The following KCNIP4 variants were observed in gnomAD, a reference collection of about 807,000 sequenced individuals.
The protein encoded by KCNIP4 is Kv channel-interacting protein 4.
Under a neutral mutation model 34.0 loss-of-function variants are expected in KCNIP4, and 12 were observed. The observed-to-expected ratio is 0.35, with a 90% CI of 0.23 to 0.57. KCNIP4 has a LOEUF of 0.57. Ranked by LOEUF, KCNIP4 falls within the 20% of genes least tolerant of loss-of-function variation. KCNIP4 has a pLI of 0.83. For synonymous variants in KCNIP4, 124 were observed against 102.2 expected (o/e 1.21, Z -1.29); for missense variants, 238 against 311.7 (o/e 0.76, Z 1.78).
intron 1 of KCNIP4, among the ~76,000 whole-genome samples, chr4:21,556,421 G>C (rs1246608858): frequency 6.6e-6 from 1 of 152,116 alleles, no homozygotes; most frequent in African/African-American, 2.4e-5. Context: ...CAAAGTCAAT[G>C]CTTCTATCTT....
chr4:21,579,053 G>A (rs533300694), intron 1 of KCNIP4, among the ~76,000 whole-genome samples: 1 of 152,202 alleles, frequency 6.6e-6, no homozygotes, highest in South Asian at 2.1e-4. Flanking sequence ...TAAAGAACCT[G>A]ACATTGGAGA....
intron 1 of KCNIP4, among the ~76,000 whole-genome samples, chr4:21,088,597 T>C (rs903490541): frequency 2.0e-5 from 3 of 152,146 alleles, no homozygotes; most frequent in African/African-American, 7.2e-5. Flanking sequence ...CATGATTCAT[T>C]ATTTCCTCTG....
intron 1 of KCNIP4, among the ~76,000 whole-genome samples, chr4:21,287,661 T>C (rs1306890804): frequency 6.6e-6 from 1 of 152,172 alleles, no homozygotes; most frequent in Non-Finnish European, 1.5e-5. Context: ...AGTGTTTTTC[T>C]ACAAAATTTC....
At chr4:21,625,334 T>A (rs10516396) in intron 1 of KCNIP4, among the ~76,000 whole-genome samples, 46,847 of 151,872 alleles carry the variant, frequency 0.31, 7,703 homozygotes, top group East Asian at 0.62. Context: ...GTAGGTTATA[T>A]GAGAATGTCT....
At chr4:21,776,509 A>C (rs1349598082) in intron 1 of KCNIP4, among the ~76,000 whole-genome samples, 1 of 152,196 alleles carries the variant, frequency 6.6e-6, no homozygotes, top group Non-Finnish European at 1.5e-5. Context: ...CTCTGGCAAC[A>C]CTGCAACCCA....
intron 3 of KCNIP4, among the ~76,000 whole-genome samples, chr4:20,760,285 A>G (rs186832472): frequency 1.2e-4 from 19 of 152,260 alleles, no homozygotes; most frequent in Non-Finnish European, 2.4e-4. Context: ...GGAAGGATGA[A>G]TGGTGTGCTA....
At chr4:21,647,780 C>A (rs1747133848) in intron 1 of KCNIP4, among the ~76,000 whole-genome samples, 1 of 151,718 alleles carries the variant, frequency 6.6e-6, no homozygotes, top group South Asian at 2.1e-4. Flanking sequence ...TTACGTACCC[C>A]ACTCAACCAT....
intron 1 of KCNIP4, among the ~76,000 whole-genome samples, chr4:21,581,608 G>T (rs1741202360): frequency 6.6e-6 from 1 of 151,982 alleles, no homozygotes. Context: ...TATCTGCACA[G>T]TTATTAAAGG....
intron 1 of KCNIP4, among the ~76,000 whole-genome samples, chr4:21,404,706 T>C (rs1484376639): frequency 6.6e-6 from 1 of 152,180 alleles, no homozygotes; most frequent in East Asian, 1.9e-4. Flanking sequence ...AAAGCTATTA[T>C]GTTATAAACC....
rs553966342 is a variant in KCNIP4 at position 21,096,501 on chromosome 4, G to C, written c.62-213792C>G. Reference sequence around the variant, plus strand: ...TAGGGTCCTTCAGTTTTTTTATTCTGTTTGACTATGTAATGTCTTCATCAA... The same window carrying C: ...TAGGGTCCTTCAGTTTTTTTATTCTCTTTGACTATGTAATGTCTTCATCAA... On this transcript the variant is annotated intron_variant, in intron 1 of 8. Transcript: ENST00000382152. 7.2e-5 allele frequency among the ~76,000 whole-genome samples: 11 copies of C among 151,906 alleles called. No individual in the cohort carries two copies. In the South Asian group the frequency reaches 2.3e-3, roughly 32 times the overall value.
intron 1 of KCNIP4, among the ~76,000 whole-genome samples, chr4:20,898,822 C>T (rs750106039): frequency 3.3e-5 from 5 of 152,066 alleles, no homozygotes; most frequent in African/African-American, 1.2e-4. Context: ...TTTCTCAATG[C>T]GACTACCAAT....
At chr4:21,068,946 C>A (rs938348545) in intron 1 of KCNIP4, among the ~76,000 whole-genome samples, 1 of 152,040 alleles carries the variant, frequency 6.6e-6, no homozygotes, top group African/African-American at 2.4e-5. Flanking sequence ...AGAGTTTGAG[C>A]CTGGGCTTGA....
chr4:20,895,117 C>T (rs1726364616), intron 1 of KCNIP4, among the ~76,000 whole-genome samples: 1 of 152,174 alleles, frequency 6.6e-6, no homozygotes, highest in Non-Finnish European at 1.5e-5. Flanking sequence ...CTGTACTGCA[C>T]TAACAATGGC....
intron 1 of KCNIP4, among the ~76,000 whole-genome samples, chr4:21,656,305 T>A (rs1464552871): frequency 6.6e-6 from 1 of 152,170 alleles, no homozygotes; most frequent in African/African-American, 2.4e-5. Context: ...ACAGTCACAT[T>A]GGATTAAGGG....
At chr4:21,018,193 A>AATTT (rs1281938237) in intron 1 of KCNIP4, among the ~76,000 whole-genome samples, 1 of 151,926 alleles carries the variant, frequency 6.6e-6, no homozygotes, top group East Asian at 1.9e-4. Context: ...CAACTCTCTA[A>AATTT]ACTCTCTCTT....
Position 21,697,316 on chromosome 4 carries a change from TAAAAAAAA to T in KCNIP4, c.61+251247_61+251254del, listed in dbSNP as rs537856921. On this transcript the variant is annotated intron_variant, in intron 1 of 8. Transcript: ENST00000382152. ...ATTACCATGCTCTACTAGCCTCTAC[TAAAAAAAA>T]AAAAAAAAAAAAAAAAAGTCATTAC... 2.2e-3 allele frequency: 2,675 copies of T among 1,226,938 alleles called. 42 individuals carry two copies. The African/African-American group carries it at 0.055, about 25-fold the overall frequency. The allele number at this position is 1,226,938 out of a possible 1,614,324, so 76.0% of individuals were successfully genotyped here. A position where few individuals can be genotyped will look rare whatever the true frequency, so the allele number is the denominator to read the frequency against.
At chr4:21,593,378 C>A (rs147854267) in intron 1 of KCNIP4, among the ~76,000 whole-genome samples, 15 of 152,152 alleles carry the variant, frequency 9.9e-5, no homozygotes, top group Admixed American at 9.2e-4. Flanking sequence ...TGGGAACCTC[C>A]GAGTGGTTTT....
chr4:20,746,535 C>G (rs919178409), intron 5 of KCNIP4, among the ~76,000 whole-genome samples: 1 of 151,920 alleles, frequency 6.6e-6, no homozygotes, highest in Admixed American at 6.6e-5. Context: ...AAAAAAAATC[C>G]CCCAACTGAT....
At chr4:21,708,798 G>A (rs1320508023) in intron 1 of KCNIP4, among the ~76,000 whole-genome samples, 2 of 152,148 alleles carry the variant, frequency 1.3e-5, no homozygotes, top group African/African-American at 4.8e-5. Context: ...ATCCTGTGGT[G>A]TCCATTGGAA....
Sources: gnomAD v4.1 joint callset for allele counts (sites outside exome capture counted in the v4.1 genomes callset) on GRCh38, gnomAD v4.1.1 for gene constraint, MANE v1.5 for transcripts, NCBI Gene and HGNC (gene_info 2026-07-23, HGNC 2026-07-21) for gene names.